The following DIRAS3 variants were observed in gnomAD, a reference collection of about 807,000 sequenced individuals.
DIRAS3 encodes GTP-binding protein Di-Ras3.
For missense variants in DIRAS3, 248 were observed against 300.6 expected, an observed-to-expected ratio of 0.83 and a Z score of 1.29; for synonymous variants, 133 against 131.4, an observed-to-expected ratio of 1.01 and a Z score of -0.08.
intron 1 of DIRAS3, among the ~76,000 whole-genome samples, chr1:68,049,085 GTTATATCTTCAGAC>G (rs766798058): frequency 2.0e-5 from 3 of 151,952 alleles, no homozygotes; most frequent in Non-Finnish European, 2.9e-5. Flanking sequence ...GTTGCTGGTT[GTTATATCTTCAGAC>G]TTAACTTGCT....
Position 68,047,060 on chromosome 1 carries a change from A to C in DIRAS3, c.238T>G (p.Cys80Gly). The C allele has an allele frequency of 1.9e-6, 3 of 1,614,206 alleles. No individual in the cohort carries two copies. Among genetic ancestry groups the C allele is most frequent in the Non-Finnish European group, 2.5e-6 (3 of 1,180,034 alleles). Residue 80 changes from cysteine to glycine, a missense_variant, in exon 2 of 2, where the codon TGC becomes GGC. Coordinates refer to ENST00000646789, the MANE Select transcript of DIRAS3 (RefSeq NM_004675.5). ...TGCAGGGAAAGCACACCGTGGCTGC[A>C]GCCCAGCAACTGGCAGTAGGTATTT... ...IENTYCQLLG[C>G]SHGVLSLHIT...
chr1:68,047,783 A>G (rs1645688089), intron 1 of DIRAS3, among the ~76,000 whole-genome samples: 2 of 151,672 alleles, frequency 1.3e-5, no homozygotes, highest in Admixed American at 6.6e-5. Flanking sequence ...TGCCAAGGTG[A>G]CATTTAGAGT....
At position 68,050,362 on chromosome 1, in the gene DIRAS3, G is replaced by T. The variant is rs1645721560; in HGVS notation, c.-66+186C>A. ...GCTTCCCAACGGGACTATCCAAAGT[G>T]CAGTTGCAGGACCTGCCAGGAGCCC... On this transcript the variant is annotated intron_variant, in intron 1 of 1. Transcript: ENST00000646789. This position sits in a 1 kb window ranked among gnomAD's most constrained non-coding sequence, Gnocchi z 4.5. 6.6e-6 allele frequency among the ~76,000 whole-genome samples: 1 copy of T among 152,196 alleles called. No individual in the cohort carries two copies. Among genetic ancestry groups the T allele is most frequent in the African/African-American group, 2.4e-5 (1 of 41,452 alleles).
chr1:68,046,976 G>A lies in DIRAS3; in HGVS notation c.322C>T (p.Arg108Trp). 6.2e-7 allele frequency: 1 copy of A among 1,614,132 alleles called. No homozygotes were observed. The highest frequency in any genetic ancestry group is 2.2e-5 in the East Asian group (1 of 44,878). ...TAGACCAGGACGAAGGCGTGGCCCC[G>A]GGCTATAACGTGGCGCTGCAGAGCG... ...NRALQRHVIARGHAFVLVYSV... is the reference protein window; with the variant it reads ...NRALQRHVIAWGHAFVLVYSV... Residue 108 changes from arginine (R) to tryptophan (W), a missense_variant, in exon 2 of 2, where the codon CGG becomes TGG. By Grantham distance (101) the Arg-to-Trp change is moderately radical (BLOSUM62 -3). Transcript: ENST00000646789.
At chr1:68,048,224 A>G (rs1425521169) in intron 1 of DIRAS3, among the ~76,000 whole-genome samples, 1 of 151,508 alleles carries the variant, frequency 6.6e-6, no homozygotes, top group Non-Finnish European at 1.5e-5. Flanking sequence ...ATGGAAATAG[A>G]GAAAATTTCA....
chr1:68,048,062 A>ATATG (rs1645697204), intron 1 of DIRAS3, among the ~76,000 whole-genome samples: 1 of 107,862 alleles, frequency 9.3e-6, no homozygotes, highest in South Asian at 3.2e-4. Flanking sequence ...ATATATATAT[A>ATATG]TATATATATA....
chr1:68,049,971 C>CA (rs1557690501), intron 1 of DIRAS3, among the ~76,000 whole-genome samples: 1 of 148,086 alleles, frequency 6.8e-6, no homozygotes, highest in African/African-American at 2.6e-5. Context: ...CCCCCCCCCC[C>CA]ACTCCCCTCC....
chr1:68,046,562 T>A lies in DIRAS3; in HGVS notation c.*46A>T. ...AACATAGTGAAATGAGTCCACGTTT[T>A]CTACACGCTACAGGATAGGAAGAGC... On this transcript the variant is annotated 3_prime_UTR_variant, in exon 2 of 2. Transcript: ENST00000646789. The A allele has an allele frequency of 6.4e-7, 1 of 1,551,302 alleles. No homozygotes were observed. Among genetic ancestry groups the A allele is most frequent in the South Asian group, 1.2e-5 (1 of 82,770 alleles).
At chr1:68,048,046 A>AG (rs59521032) in intron 1 of DIRAS3, among the ~76,000 whole-genome samples, 1 of 64,790 alleles carries the variant, frequency 1.5e-5, no homozygotes, top group Non-Finnish European at 2.9e-5. Flanking sequence ...AAAAAAAAAA[A>AG]AAAATATATA....
At chr1:68,048,069 T>TC (rs1645697590) in intron 1 of DIRAS3, among the ~76,000 whole-genome samples, 1 of 104,686 alleles carries the variant, frequency 9.6e-6, no homozygotes, top group Non-Finnish European at 1.9e-5. Context: ...TATATATATA[T>TC]ATATATATAT....
Position 68,049,969 on chromosome 1 carries a change from C to T in DIRAS3, c.-66+579G>A, listed in dbSNP as rs543429840. Among the ~76,000 whole-genome samples the T allele has an allele frequency of 2.7e-5, 4 of 147,582 alleles. No individual in the cohort carries two copies. In the East Asian group the frequency reaches 5.8e-4, roughly 21 times the overall value. ...CATTCTCAGGCAGTGGACCCCCCCC[C>T]CCACTCCCCTCCACACTCCTTCCAC... On this transcript the variant is annotated intron_variant, in intron 1 of 1. Coordinates refer to ENST00000646789, the MANE Select transcript of DIRAS3 (RefSeq NM_004675.5).
rs905461164 is a variant in DIRAS3 at position 68,050,241 on chromosome 1, A to G, written c.-66+307T>C. On this transcript the variant is annotated intron_variant, in intron 1 of 1. Coordinates refer to ENST00000646789, the MANE Select transcript of DIRAS3 (RefSeq NM_004675.5). This position sits in a 1 kb window ranked among gnomAD's most constrained non-coding sequence, Gnocchi z 4.5. Reference sequence around the variant, plus strand: ...ACATGACTCCACTATTACTTCCTGAACACTAGCTACCTACGCAGCTGTAAT... The same window carrying G: ...ACATGACTCCACTATTACTTCCTGAGCACTAGCTACCTACGCAGCTGTAAT... Among the ~76,000 whole-genome samples, 2 of 152,188 alleles carry G rather than the reference A, an allele frequency of 1.3e-5. No individual in the cohort carries two copies. The highest frequency in any genetic ancestry group is 2.9e-5 in the Non-Finnish European group (2 of 68,024).
At chr1:68,049,039 C>A (rs1412892383) in intron 1 of DIRAS3, among the ~76,000 whole-genome samples, 1 of 151,758 alleles carries the variant, frequency 6.6e-6, no homozygotes, top group Non-Finnish European at 1.5e-5. Flanking sequence ...CATACCCACC[C>A]CATATTAGAG....
rs1364143871 is a variant in DIRAS3 at position 68,050,418 on chromosome 1, C to T, written c.-66+130G>A. 6.6e-6 allele frequency: 1 copy of T among 152,182 alleles called. No homozygotes were observed. Among genetic ancestry groups the T allele is most frequent in the East Asian group, 1.9e-4 (1 of 5,170 alleles). 9.4% of individuals were successfully genotyped at this position (152,182 alleles called of 1,614,324 possible). Reference sequence around the variant, plus strand: ...GCTGCGGGTGGTTCTTGCGTAATCGCGCCAAGAAAGACCTGGTTCCAGTTT... The same window carrying T: ...GCTGCGGGTGGTTCTTGCGTAATCGTGCCAAGAAAGACCTGGTTCCAGTTT... On this transcript the variant is annotated intron_variant, in intron 1 of 1. Coordinates refer to ENST00000646789, the MANE Select transcript of DIRAS3 (RefSeq NM_004675.5). This position sits in a 1 kb window ranked among gnomAD's most constrained non-coding sequence, Gnocchi z 4.5.
Position 68,046,591 on chromosome 1 carries a change from C to T in DIRAS3, c.*17G>A. 1 of 1,609,220 alleles carries T rather than the reference C, an allele frequency of 6.2e-7. No individual in the cohort carries two copies. Among genetic ancestry groups the T allele is most frequent in the Non-Finnish European group, 8.5e-7 (1 of 1,177,606 alleles). Reference sequence around the variant, plus strand: ...CACGCTACAGGATAGGAAGAGCTGGCTCTTAAGGCCCAGGGCTCACATGAT... The same window carrying T: ...CACGCTACAGGATAGGAAGAGCTGGTTCTTAAGGCCCAGGGCTCACATGAT... On this transcript the variant is annotated 3_prime_UTR_variant, in exon 2 of 2. Coordinates refer to ENST00000646789, the MANE Select transcript of DIRAS3 (RefSeq NM_004675.5).
rs757557457 is a variant in DIRAS3 at position 68,047,027 on chromosome 1, C to G, written c.271G>C (p.Asp91His). 3 of 1,614,202 alleles carry G rather than the reference C, an allele frequency of 1.9e-6. No individual in the cohort carries two copies. In the South Asian group the frequency reaches 3.3e-5, roughly 18 times the overall value. The change falls in exon 2 of 2, where the codon GAC (aspartate) becomes CAC (histidine). Residue 91 changes from aspartate (D) to histidine (H), a missense_variant. By Grantham distance (81) the Asp-to-His change is moderately conservative. Transcript: ENST00000646789. ...CGGTTGCCGTCGCCACTCTTGCTGT[C>G]GGTGATGTGCAGGGAAAGCACACCG... Reference protein sequence around the residue: ...SHGVLSLHITDSKSGDGNRAL... With the variant: ...SHGVLSLHITHSKSGDGNRAL...
At chr1:68,047,512 G>C in intron 1 of DIRAS3, 150 bp from the exon 2 acceptor site, 1 of 586,126 alleles carries the variant, frequency 1.7e-6, no homozygotes, top group Non-Finnish European at 3.0e-6. Context: ...AAATTCCCAG[G>C]CACACAGTTC....
chr1:68,048,049 A>AAAAAAAT, intron 1 of DIRAS3, among the ~76,000 whole-genome samples: 1 of 7,272 alleles, frequency 1.4e-4, no homozygotes, highest in African/African-American at 4.8e-4. Flanking sequence ...AAAAAAAAAA[A>AAAAAAAT]ATATATATAT....
chr1:68,047,881 G>T (rs749011450), intron 1 of DIRAS3, among the ~76,000 whole-genome samples: 15 of 150,522 alleles, frequency 1.0e-4, no homozygotes, highest in Non-Finnish European at 2.1e-4. Context: ...GATGTAGAGA[G>T]GGGAGGTACC....
Sources: gnomAD v4.1 joint callset for allele counts (sites outside exome capture counted in the v4.1 genomes callset) on GRCh38, gnomAD v4.1.1 for gene constraint, Gnocchi (gnomAD v3.1) non-coding constraint, MANE v1.5 for transcripts, NCBI Gene and HGNC (gene_info 2026-07-23, HGNC 2026-07-21) for gene names.